GRIA1: variants seen among roughly 807,000 people sequenced by gnomAD.
GRIA1 encodes glutamate ionotropic receptor AMPA type subunit 1, also known as glutamate receptor 1.
Under a neutral mutation model 99.2 loss-of-function variants are expected in GRIA1, and 31 were observed. The ratio of observed to expected loss-of-function variants is 0.31; its 90% CI spans 0.23 to 0.42. The LOEUF (loss-of-function observed/expected upper bound fraction) is 0.42, where lower values mean the gene tolerates loss of function less well. Among genes scored for constraint, GRIA1 ranks in the 10% least tolerant of loss-of-function variants. The pLI is 1.00. For missense variants in GRIA1, 782 were observed against 1,157.5 expected, an observed-to-expected ratio of 0.68 and a Z score of 4.71; for synonymous variants, 438 against 432.4, an observed-to-expected ratio of 1.01 and a Z score of -0.16.
In GRIA1 at chr5:153,655,891, G is replaced by A. The variant is rs191398166; in HGVS notation, c.699+19G>A. Reference sequence around the variant, plus strand: ...AAATCTGGTGAGTAGAGCACTGCAGGCTCTCAGCTCAAGTCCTTTCCAGGT... The same window carrying A: ...AAATCTGGTGAGTAGAGCACTGCAGACTCTCAGCTCAAGTCCTTTCCAGGT... On this transcript the variant is annotated intron_variant, in intron 5 of 15. Coordinates refer to ENST00000285900, the MANE Select transcript of GRIA1 (RefSeq NM_000827.4). The A allele has an allele frequency of 4.0e-5, 64 of 1,610,132 alleles. No homozygotes were observed. The African/African-American group carries it at 6.7e-4, about 17-fold the overall frequency.
At chr5:153,770,566 C>T in intron 13 of GRIA1, 151 bp downstream of exon 13, 1 of 752,930 alleles carries the variant, frequency 1.3e-6, no homozygotes, top group Middle Eastern at 3.9e-4. Flanking sequence ...AGATTCCAGC[C>T]ACCCAAGATC....
chr5:153,790,553 C>G (rs961987947), intron 13 of GRIA1, among the ~76,000 whole-genome samples: 2 of 152,080 alleles, frequency 1.3e-5, no homozygotes, highest in Admixed American at 1.3e-4. Context: ...CACTGCTTGC[C>G]CAAGACAAAG....
At chr5:153,768,189 G>A (rs1763643890) in intron 12 of GRIA1, among the ~76,000 whole-genome samples, 1 of 152,146 alleles carries the variant, frequency 6.6e-6, no homozygotes, top group Non-Finnish European at 1.5e-5. Context: ...CAGACCTTAT[G>A]ATTAGTTCTG....
chr5:153,724,338 A>G (rs7717314), intron 11 of GRIA1, among the ~76,000 whole-genome samples: 78,427 of 150,910 alleles, frequency 0.52, 21,232 homozygotes, highest in East Asian at 0.94. Flanking sequence ...AAAGCAGAGC[A>G]CCTCTCCTCC....
At chr5:153,733,507 CT>C (rs1020460330) in intron 11 of GRIA1, among the ~76,000 whole-genome samples, 1 of 152,058 alleles carries the variant, frequency 6.6e-6, no homozygotes, top group African/African-American at 2.4e-5. Flanking sequence ...AAGTCTTTAT[CT>C]TTCAATAATT....
At chr5:153,807,839 C>T (rs1766545002) in intron 15 of GRIA1, among the ~76,000 whole-genome samples, 1 of 152,244 alleles carries the variant, frequency 6.6e-6, no homozygotes, top group Non-Finnish European at 1.5e-5. Flanking sequence ...TATTCACCAC[C>T]TCATTCCCAA....
intron 15 of GRIA1, among the ~76,000 whole-genome samples, chr5:153,808,813 G>T (rs1324477071): frequency 6.6e-6 from 1 of 152,226 alleles, no homozygotes; most frequent in Non-Finnish European, 1.5e-5. Context: ...AACCATCCAT[G>T]ATAAGGGTAT....
At chr5:153,607,441 TTTC>T (rs1204887872) in intron 2 of GRIA1, among the ~76,000 whole-genome samples, 2 of 152,048 alleles carry the variant, frequency 1.3e-5, no homozygotes, top group African/African-American at 4.8e-5. Context: ...TTTCATATCT[TTTC>T]TTCTTTTCTA....
At chr5:153,552,193 A>T (rs1214830553) in intron 2 of GRIA1, among the ~76,000 whole-genome samples, 1 of 152,106 alleles carries the variant, frequency 6.6e-6, no homozygotes, top group East Asian at 1.9e-4. Flanking sequence ...GATCAACATT[A>T]CAAAAAAACA....
At chr5:153,629,441 G>C (rs1433282753) in intron 2 of GRIA1, among the ~76,000 whole-genome samples, 12 of 152,190 alleles carry the variant, frequency 7.9e-5, no homozygotes, top group Admixed American at 7.8e-4. Context: ...TGTGATGAGC[G>C]ACATTGTAGA....
At chr5:153,667,452 C>T (rs1409120715) in intron 5 of GRIA1, among the ~76,000 whole-genome samples, 2 of 152,180 alleles carry the variant, frequency 1.3e-5, no homozygotes, top group Non-Finnish European at 2.9e-5. Context: ...AGGCTTCTTG[C>T]CTGACCCAGT....
At chr5:153,632,919 C>T (rs1051420215) in intron 2 of GRIA1, among the ~76,000 whole-genome samples, 1 of 152,182 alleles carries the variant, frequency 6.6e-6, no homozygotes, top group Non-Finnish European at 1.5e-5. Flanking sequence ...GAGTGAAAAG[C>T]TTTCCACTGG....
chr5:153,513,296 G>A (rs567597273), intron 2 of GRIA1, among the ~76,000 whole-genome samples: 1 of 152,206 alleles, frequency 6.6e-6, no homozygotes, highest in South Asian at 2.1e-4. Context: ...TGACAGTTCT[G>A]CTGAGGGCTG....
chr5:153,789,820 G>T (rs1216976257), intron 13 of GRIA1, among the ~76,000 whole-genome samples: 5 of 152,208 alleles, frequency 3.3e-5, no homozygotes, highest in South Asian at 2.1e-4. Context: ...CTGGGGCTAA[G>T]ATTTAAACTC....
At chr5:153,685,477 C>T (rs1757276103) in intron 7 of GRIA1, among the ~76,000 whole-genome samples, 1 of 152,224 alleles carries the variant, frequency 6.6e-6, no homozygotes, top group South Asian at 2.1e-4. Flanking sequence ...TTTTAGCCAA[C>T]TGAGATTTCT....
At chr5:153,806,501 G>A (rs977387912) in intron 15 of GRIA1, among the ~76,000 whole-genome samples, 3 of 152,194 alleles carry the variant, frequency 2.0e-5, no homozygotes, top group Non-Finnish European at 4.4e-5. Context: ...TCCTGACTTC[G>A]TGATCCACTG....
intron 2 of GRIA1, among the ~76,000 whole-genome samples, chr5:153,540,055 A>C (rs1758923996): frequency 6.6e-6 from 1 of 152,192 alleles, no homozygotes; most frequent in Admixed American, 6.5e-5. Context: ...GTGCTTGGTA[A>C]GGTTGAAGGT....
At chr5:153,734,716 G>A (rs1201314054) in intron 11 of GRIA1, among the ~76,000 whole-genome samples, 1 of 152,166 alleles carries the variant, frequency 6.6e-6, no homozygotes, top group Non-Finnish European at 1.5e-5. Context: ...CAGGGGATAG[G>A]CCAGGGAAGG....
chr5:153,587,721 T>C lies in GRIA1; in HGVS notation c.221-59207T>C, dbSNP rs143715213. Among the ~76,000 whole-genome samples, 700 of 152,340 alleles carry C rather than the reference T, an allele frequency of 4.6e-3. 7 individuals carry two copies. The highest frequency in any genetic ancestry group is 0.016 in the African/African-American group (647 of 41,574). On this transcript the variant is annotated intron_variant, in intron 2 of 15. Coordinates refer to ENST00000285900, the MANE Select transcript of GRIA1 (RefSeq NM_000827.4). The stretch of plus-strand genomic sequence containing the variant: ...CATTCATTCAACATACGCTGAGTTG[T>C]TGTCTGCTCTGTCCCAGGCAATGTG...
Sources: gnomAD v4.1 joint callset for allele counts (sites outside exome capture counted in the v4.1 genomes callset) on GRCh38, gnomAD v4.1.1 for gene constraint, MANE v1.5 for transcripts, NCBI Gene and HGNC (gene_info 2026-07-23, HGNC 2026-07-21) for gene names.